The following SNX29 variants were observed in gnomAD, a reference collection of about 807,000 sequenced individuals.
SNX29 encodes the protein sorting nexin 29, also known as sorting nexin-29.
In SNX29, 78 loss-of-function variants were observed where a neutral mutation model predicts 102.1. The observed-to-expected ratio is 0.76, with a 90% CI of 0.64 to 0.92. SNX29 has a LOEUF of 0.92. SNX29 is among the 40% of genes least tolerant of loss of function. SNX29 has a pLI of 0.00. For synonymous variants in SNX29, 580 were observed against 414.5 expected, an observed-to-expected ratio of 1.40 and a Z score of -4.85; for missense variants, 1,280 against 1,061.7, an observed-to-expected ratio of 1.21 and a Z score of -2.86.
At chr16:12,034,878 G>A (rs889915550) in intron 4 of SNX29, among the ~76,000 whole-genome samples, 49 of 152,244 alleles carry the variant, frequency 3.2e-4, no homozygotes, top group African/African-American at 1.2e-3. Flanking sequence ...GGGCATGGTG[G>A]TAGGCACCTG....
chr16:12,016,955 C>T (rs2056867773), intron 3 of SNX29, among the ~76,000 whole-genome samples: 1 of 151,584 alleles, frequency 6.6e-6, no homozygotes, highest in South Asian at 2.1e-4. Flanking sequence ...AGTGAGACCC[C>T]TGTCTTTACA....
At chr16:12,529,522 G>A (rs924035348) in intron 20 of SNX29, among the ~76,000 whole-genome samples, 4 of 152,114 alleles carry the variant, frequency 2.6e-5, no homozygotes, top group African/African-American at 4.8e-5. Context: ...ATGGTTTTCT[G>A]CAGAGTAATT....
chr16:12,554,024 C>T (rs1452702587), intron 20 of SNX29, among the ~76,000 whole-genome samples: 5 of 152,034 alleles, frequency 3.3e-5, no homozygotes, highest in Non-Finnish European at 7.4e-5. Flanking sequence ...AGCGTTTTAA[C>T]CATGTTGCCC....
chr16:12,566,475 C>T (rs535978061), intron 20 of SNX29, among the ~76,000 whole-genome samples: 3 of 152,264 alleles, frequency 2.0e-5, no homozygotes, highest in Non-Finnish European at 4.4e-5. Context: ...CCTGGCTGTG[C>T]TGAATGATGA....
chr16:12,416,717 C>G (rs1226792374), intron 18 of SNX29, among the ~76,000 whole-genome samples: 1 of 152,128 alleles, frequency 6.6e-6, no homozygotes, highest in Admixed American at 6.5e-5. Context: ...GCAGGCATGT[C>G]ACATGGCAAG....
intron 20 of SNX29, among the ~76,000 whole-genome samples, chr16:12,563,178 T>G (rs68054229): frequency 1.4e-5 from 2 of 147,174 alleles, no homozygotes; most frequent in South Asian, 4.4e-4. Context: ...GGCTCAGGGA[T>G]GTCACTTCCC....
intron 20 of SNX29, chr16:12,527,104 A>G (rs2076805397): frequency 2.2e-6 from 1 of 455,704 alleles, no homozygotes; most frequent in African/African-American, 2.0e-5. Flanking sequence ...CTTTTAATAA[A>G]AGCTCTTTGG....
At chr16:12,345,003 C>G (rs2081748148) in intron 15 of SNX29, among the ~76,000 whole-genome samples, 1 of 152,232 alleles carries the variant, frequency 6.6e-6, no homozygotes, top group Non-Finnish European at 1.5e-5. Context: ...GCCAAGTAAA[C>G]CACCTCATAT....
intron 20 of SNX29, among the ~76,000 whole-genome samples, chr16:12,534,954 C>G (rs1327910228): frequency 6.6e-6 from 1 of 152,196 alleles, no homozygotes; most frequent in Non-Finnish European, 1.5e-5. Context: ...CCCTGCACAG[C>G]AGAGTTATCT....
At chr16:12,483,981 AG>A (rs2088101110) in intron 19 of SNX29, among the ~76,000 whole-genome samples, 1 of 152,244 alleles carries the variant, frequency 6.6e-6, no homozygotes, top group African/African-American at 2.4e-5. Context: ...TAATGACGCA[AG>A]CTGGGATGAC....
At chr16:12,234,070 C>A (rs2077850447) in intron 14 of SNX29, among the ~76,000 whole-genome samples, 1 of 152,160 alleles carries the variant, frequency 6.6e-6, no homozygotes, top group Non-Finnish European at 1.5e-5. Flanking sequence ...CATTCACGTA[C>A]AAGTTGTGTG....
intron 14 of SNX29, among the ~76,000 whole-genome samples, chr16:12,236,395 ATTC>A (rs2077934080): frequency 6.6e-6 from 1 of 152,188 alleles, no homozygotes; most frequent in African/African-American, 2.4e-5. Flanking sequence ...ATTTCTCGCT[ATTC>A]TTCTTCTTGT....
chr16:12,332,855 G>A (rs943080798), intron 15 of SNX29, among the ~76,000 whole-genome samples: 4 of 151,954 alleles, frequency 2.6e-5, no homozygotes, highest in Admixed American at 6.6e-5. Context: ...CGCCTGCTTC[G>A]TCACTCCATG....
rs547886853 is a variant in SNX29 at position 12,229,301 on chromosome 16, T to C, written c.1678+29618T>C. On this transcript the variant is annotated intron_variant, in intron 14 of 20. Coordinates refer to ENST00000566228, the MANE Select transcript of SNX29 (RefSeq NM_032167.5). ...GCACATAGTAGGTGTTCAGTAAATA[T>C]GATTTGGATGTGTGCATGAATGAAT... 4.3e-4 allele frequency among the ~76,000 whole-genome samples: 66 copies of C among 152,208 alleles called. 1 individual carries two copies. Among genetic ancestry groups the C allele is most frequent in the Non-Finnish European group, 1.9e-4 (13 of 68,042 alleles).
intron 19 of SNX29, among the ~76,000 whole-genome samples, chr16:12,514,085 G>A (rs891912283): frequency 2.0e-5 from 3 of 152,208 alleles, no homozygotes; most frequent in Admixed American, 2.0e-4. Flanking sequence ...GCAGGATTGG[G>A]CCTGTGGTTT....
intron 1 of SNX29, among the ~76,000 whole-genome samples, chr16:11,980,965 CT>C (rs1289274238): frequency 2.2e-3 from 318 of 141,734 alleles, no homozygotes; most frequent in Middle Eastern, 3.6e-3. Context: ...TTTTCATTTT[CT>C]TTTTTTTTTT....
chr16:12,506,977 C>T (rs538804367), intron 19 of SNX29, among the ~76,000 whole-genome samples: 1 of 152,298 alleles, frequency 6.6e-6, no homozygotes, highest in African/African-American at 2.4e-5. Context: ...AAGACCATGT[C>T]TTGTATGCTT....
intron 20 of SNX29, among the ~76,000 whole-genome samples, chr16:12,532,462 A>C (rs547980851): frequency 6.6e-6 from 1 of 152,198 alleles, no homozygotes; most frequent in African/African-American, 2.4e-5. Context: ...ATTATTAAGC[A>C]AACAGTTTTA....
intron 15 of SNX29, among the ~76,000 whole-genome samples, chr16:12,293,954 A>G (rs1183298687): frequency 4.6e-5 from 7 of 152,188 alleles, no homozygotes; most frequent in African/African-American, 1.2e-4. Context: ...CATCCTCGCT[A>G]TACAGAGGAG....
Sources: allele counts gnomAD v4.1 joint callset (sites outside exome capture counted in the v4.1 genomes callset), GRCh38; gene constraint gnomAD v4.1.1; transcripts MANE v1.5; gene names NCBI Gene and HGNC (gene_info 2026-07-23, HGNC 2026-07-21).